The following SLC24A2 variants were observed in gnomAD, a reference collection of about 807,000 sequenced individuals.
The protein encoded by SLC24A2 is solute carrier family 24 member 2.
A neutral mutation model predicts 62.0 loss-of-function variants in SLC24A2; 36 were observed. The observed-to-expected ratio is 0.58, with a 90% CI of 0.44 to 0.77. The LOEUF (loss-of-function observed/expected upper bound fraction) is 0.77. Among genes scored for constraint, SLC24A2 ranks in the 30% least tolerant of loss-of-function variants. The pLI is 0.00. For missense variants in SLC24A2, 846 were observed against 817.9 expected (o/e 1.03, Z -0.42); for synonymous variants, 358 against 294.0 (o/e 1.22, Z -2.23).
the SLC24A2 span, among the ~76,000 whole-genome samples, chr9:19,867,192 C>G: frequency 6.6e-6 from 1 of 151,968 alleles, no homozygotes; most frequent in Non-Finnish European, 1.5e-5. Flanking sequence ...TAAATATATA[C>G]ACCTGCTGTG....
At chr9:20,136,053 G>T in the SLC24A2 span, among the ~76,000 whole-genome samples, 3 of 152,034 alleles carry the variant, frequency 2.0e-5, no homozygotes, top group African/African-American at 7.2e-5. Flanking sequence ...TTGCATTTGA[G>T]GGGTCTATTT....
At chr9:19,948,828 G>C in the SLC24A2 span, among the ~76,000 whole-genome samples, 1 of 100,186 alleles carries the variant, frequency 1.0e-5, no homozygotes, top group Non-Finnish European at 1.8e-5. Context: ...CTGGGCAACA[G>C]AACGAGACTC....
intron 2 of SLC24A2, among the ~76,000 whole-genome samples, chr9:19,731,207 A>T (rs910339151): frequency 6.6e-6 from 1 of 152,182 alleles, no homozygotes; most frequent in African/African-American, 2.4e-5. Flanking sequence ...TAGAATTATG[A>T]TTTATGTTTG....
chr9:20,269,630 C>T, the SLC24A2 span, among the ~76,000 whole-genome samples: 1 of 152,172 alleles, frequency 6.6e-6, no homozygotes, highest in Non-Finnish European at 1.5e-5. Context: ...AACCAAACCC[C>T]TATTCTACAA....
intron 7 of SLC24A2, among the ~76,000 whole-genome samples, chr9:19,558,993 T>C (rs1835256507): frequency 6.6e-6 from 1 of 152,194 alleles, no homozygotes; most frequent in Non-Finnish European, 1.5e-5. Flanking sequence ...CATATGGTTT[T>C]CTACTAAATA....
the SLC24A2 span, among the ~76,000 whole-genome samples, chr9:20,299,762 G>T: frequency 3.9e-5 from 6 of 152,190 alleles, no homozygotes; most frequent in Non-Finnish European, 8.8e-5. Context: ...TGGAGACAAA[G>T]AAACTCGTTC....
At chr9:20,256,921 TACACACACAC>T in the SLC24A2 span, among the ~76,000 whole-genome samples, 8 of 119,884 alleles carry the variant, frequency 6.7e-5, no homozygotes, top group Non-Finnish European at 1.5e-4. Flanking sequence ...CTCCAGCATG[TACACACACAC>T]ACACACACAC....
chr9:20,069,635 C>T, the SLC24A2 span, among the ~76,000 whole-genome samples: 1 of 152,166 alleles, frequency 6.6e-6, no homozygotes, highest in African/African-American at 2.4e-5. Context: ...TAATTAGTTT[C>T]TTTTATTTTC....
intron 6 of SLC24A2, among the ~76,000 whole-genome samples, chr9:19,574,579 A>G (rs774302287): frequency 1.3e-5 from 2 of 151,292 alleles, no homozygotes; most frequent in Non-Finnish European, 2.9e-5. Flanking sequence ...ATATGATCAA[A>G]GAGTATTTCT....
At chr9:19,979,536 A>C in the SLC24A2 span, among the ~76,000 whole-genome samples, 1 of 152,190 alleles carries the variant, frequency 6.6e-6, no homozygotes, top group Non-Finnish European at 1.5e-5. Context: ...CACGCTTTTT[A>C]GGAGTGATCT....
At chr9:19,568,172 G>A (rs543730547) in intron 7 of SLC24A2, among the ~76,000 whole-genome samples, 2 of 152,284 alleles carry the variant, frequency 1.3e-5, no homozygotes, top group African/African-American at 4.8e-5. Flanking sequence ...ATTGAATCAT[G>A]TCCATGAAAC....
the SLC24A2 span, among the ~76,000 whole-genome samples, chr9:20,284,303 G>T: frequency 1.3e-5 from 2 of 151,746 alleles, no homozygotes; most frequent in Non-Finnish European, 2.9e-5. Flanking sequence ...AAAGAGATGG[G>T]GTTTCACTCT....
At chr9:20,092,655 G>T in the SLC24A2 span, among the ~76,000 whole-genome samples, 1 of 152,096 alleles carries the variant, frequency 6.6e-6, no homozygotes, top group South Asian at 2.1e-4. Context: ...TTTGATATAT[G>T]GATACATTGT....
chr9:19,813,054 G>A, the SLC24A2 span, among the ~76,000 whole-genome samples: 2 of 152,228 alleles, frequency 1.3e-5, no homozygotes, highest in East Asian at 3.9e-4. Context: ...TTTGGTAAAT[G>A]GTTAAAAGAG....
the SLC24A2 span, among the ~76,000 whole-genome samples, chr9:20,035,088 TA>T: frequency 2.0e-5 from 3 of 151,746 alleles, no homozygotes; most frequent in Non-Finnish European, 4.4e-5. Context: ...GAGAAAAAAA[TA>T]AGAGCAATGA....
At chr9:20,076,857 A>G in the SLC24A2 span, among the ~76,000 whole-genome samples, 1 of 26,162 alleles carries the variant, frequency 3.8e-5, no homozygotes, top group Non-Finnish European at 1.2e-4. Flanking sequence ...TATACATATC[A>G]TATGTATATA....
chr9:19,889,369 AATTATT>A, the SLC24A2 span, among the ~76,000 whole-genome samples: 1 of 151,298 alleles, frequency 6.6e-6, no homozygotes, highest in East Asian at 2.0e-4. Flanking sequence ...CATAAATTGT[AATTATT>A]ATTATTATTA....
chr9:19,779,717 T>A (rs1207684176), intron 2 of SLC24A2, among the ~76,000 whole-genome samples: 3 of 152,242 alleles, frequency 2.0e-5, no homozygotes, highest in African/African-American at 7.2e-5. Context: ...CAATGTCTAA[T>A]TTATGAGGCT....
At chr9:19,523,472 G>GT (rs761350691) in intron 9 of SLC24A2, among the ~76,000 whole-genome samples, 60 of 151,750 alleles carry the variant, frequency 4.0e-4, no homozygotes, top group East Asian at 7.7e-4. Flanking sequence ...AACTTAATAT[G>GT]TTTTTTTTGA....
Sources: allele counts gnomAD v4.1 joint callset (sites outside exome capture counted in the v4.1 genomes callset), GRCh38; gene constraint gnomAD v4.1.1; transcripts MANE v1.5; gene names NCBI Gene and HGNC (gene_info 2026-07-23, HGNC 2026-07-21).